NMBR: variants seen among roughly 807,000 people sequenced by gnomAD.
NMBR encodes the protein neuromedin B receptor, also known as neuromedin-B receptor.
Under a neutral mutation model 20.5 loss-of-function variants are expected in NMBR, and 16 were observed. The ratio of observed to expected loss-of-function variants is 0.78; its 90% CI spans 0.53 to 1.19. The LOEUF is 1.19. NMBR is among the 50% of genes most tolerant of loss of function. NMBR has a pLI of 0.00. For missense variants in NMBR, 582 were observed against 499.1 expected (o/e 1.17, Z -1.58); for synonymous variants, 212 against 196.6 (o/e 1.08, Z -0.65).
intron 1 of NMBR, among the ~76,000 whole-genome samples, chr6:142,143,387 C>T (rs540478338): frequency 4.6e-5 from 7 of 152,320 alleles, no homozygotes; most frequent in African/African-American, 1.2e-4. Flanking sequence ...CGGGTTCAAG[C>T]GATTCTCTTG....
intron 1 of NMBR, among the ~76,000 whole-genome samples, chr6:142,131,854 A>G (rs1020260235): frequency 1.3e-5 from 2 of 152,232 alleles, no homozygotes; most frequent in South Asian, 4.1e-4. Context: ...TGACAATTGT[A>G]TACAGTTGAC....
intron 1 of NMBR, among the ~76,000 whole-genome samples, chr6:142,113,968 A>C (rs564031624): frequency 3.3e-4 from 50 of 152,284 alleles, no homozygotes; most frequent in Non-Finnish European, 5.9e-4. Flanking sequence ...AACAGAAATC[A>C]TCCTTTTGCC....
chr6:142,112,399 A>G (rs1286567701), intron 1 of NMBR, among the ~76,000 whole-genome samples: 1 of 152,116 alleles, frequency 6.6e-6, no homozygotes, highest in African/African-American at 2.4e-5. Context: ...TTTTCAGTGG[A>G]AAAAGATGCT....
chr6:142,110,372 A>G (rs1391730165), intron 1 of NMBR, among the ~76,000 whole-genome samples: 3 of 152,222 alleles, frequency 2.0e-5, no homozygotes, highest in South Asian at 2.1e-4. Flanking sequence ...AATTCATACA[A>G]TGGAATATTG....
intron 1 of NMBR, among the ~76,000 whole-genome samples, chr6:142,129,415 A>G (rs1220174165): frequency 6.6e-6 from 1 of 152,112 alleles, no homozygotes; most frequent in Non-Finnish European, 1.5e-5. Context: ...GGTCATTTTA[A>G]AAATTTTAGG....
At chr6:142,093,806 C>A (rs567921424) in intron 1 of NMBR, among the ~76,000 whole-genome samples, 10 of 152,114 alleles carry the variant, frequency 6.6e-5, no homozygotes, top group African/African-American at 2.4e-4. Flanking sequence ...ACATCCTCTC[C>A]GACACCTGTT....
chr6:142,096,378 A>C (rs1358396535), intron 1 of NMBR, among the ~76,000 whole-genome samples: 3 of 152,204 alleles, frequency 2.0e-5, no homozygotes, highest in Non-Finnish European at 4.4e-5. Flanking sequence ...GTTTCAAAGA[A>C]CATCTTTATT....
intron 2 of NMBR, among the ~76,000 whole-genome samples, chr6:142,084,648 T>A (rs1247770729): frequency 6.6e-6 from 1 of 152,192 alleles, no homozygotes; most frequent in Non-Finnish European, 1.5e-5. Context: ...TCTGTGAGAA[T>A]TTTTCCTATG....
chr6:142,101,856 G>A (rs1777571287), intron 1 of NMBR, among the ~76,000 whole-genome samples: 1 of 152,140 alleles, frequency 6.6e-6, no homozygotes, highest in South Asian at 2.1e-4. Flanking sequence ...ATAGGCTACA[G>A]TGCCCTCATG....
At chr6:142,145,842 C>T (rs890350603) in intron 1 of NMBR, among the ~76,000 whole-genome samples, 2 of 152,066 alleles carry the variant, frequency 1.3e-5, no homozygotes, top group Non-Finnish European at 2.9e-5. Flanking sequence ...TTTAGGATCC[C>T]ACCTAGAACA....
At position 142,088,431 on chromosome 6, in the gene NMBR, G is replaced by A; in HGVS notation, c.228C>T (p.Ser76=). 6.2e-7 allele frequency: 1 copy of A among 1,614,050 alleles called. No individual in the cohort carries two copies. The highest frequency in any genetic ancestry group is 1.6e-4 in the Middle Eastern group (1 of 6,062). The change falls in exon 2 of 4, where the codon AGC becomes AGT. Residue 76 remains serine, a synonymous_variant. Transcript: ENST00000258042. ...GGTTAGAGATGAAGATGTTGGGGACGCTCCTCATGGCGCTGTTGGTGATGA... is the reference window on the plus strand; with the variant it reads ...GGTTAGAGATGAAGATGTTGGGGACACTCCTCATGGCGCTGTTGGTGATGA... The part of the protein sequence containing the change: ...KIFITNSAMR[S]VPNIFISNLA...
intron 1 of NMBR, among the ~76,000 whole-genome samples, chr6:142,098,057 A>G (rs1777493979): frequency 6.6e-6 from 1 of 152,078 alleles, no homozygotes; most frequent in African/African-American, 2.4e-5. Context: ...GAAAACTTTA[A>G]GTGGCCCAAT....
chr6:142,116,184 T>G (rs1325431891), intron 1 of NMBR, among the ~76,000 whole-genome samples: 1 of 151,866 alleles, frequency 6.6e-6, no homozygotes, highest in Non-Finnish European at 1.5e-5. Flanking sequence ...CTTTTGTAAA[T>G]TGCCCAGTCT....
intron 1 of NMBR, among the ~76,000 whole-genome samples, chr6:142,106,015 A>G (rs1331316173): frequency 6.6e-6 from 1 of 152,196 alleles, no homozygotes; most frequent in Non-Finnish European, 1.5e-5. Context: ...TATGACTTTA[A>G]GATTTTAAAT....
chr6:142,082,801 G>A (rs1777125386), intron 2 of NMBR, among the ~76,000 whole-genome samples: 1 of 152,172 alleles, frequency 6.6e-6, no homozygotes, highest in Non-Finnish European at 1.5e-5. Flanking sequence ...GTCACATCAT[G>A]AGGAAGACAT....
intron 1 of NMBR, chr6:142,134,757 A>G (rs1778217930): frequency 1.4e-6 from 1 of 691,348 alleles, no homozygotes; most frequent in Non-Finnish European, 2.6e-6. Context: ...GTGATGCTAG[A>G]TCTCTTGGGG....
At chr6:142,077,776 C>T (rs1207334625) in intron 3 of NMBR, among the ~76,000 whole-genome samples, 1 of 152,174 alleles carries the variant, frequency 6.6e-6, no homozygotes, top group African/African-American at 2.4e-5. Context: ...GGTAACTACT[C>T]TGTACCTGCA....
chr6:142,131,020 T>C (rs1379500723), intron 1 of NMBR, among the ~76,000 whole-genome samples: 1 of 152,178 alleles, frequency 6.6e-6, no homozygotes, highest in African/African-American at 2.4e-5. Flanking sequence ...CTCCTGTTTT[T>C]CCACTTTTGG....
intron 1 of NMBR, among the ~76,000 whole-genome samples, chr6:142,114,312 A>AT (rs762101247): frequency 5.8e-4 from 85 of 147,288 alleles, no homozygotes; most frequent in Non-Finnish European, 1.1e-3. Context: ...TTTTCTTTTC[A>AT]TTTTTTTTAA....
Sources: allele counts gnomAD v4.1 joint callset (sites outside exome capture counted in the v4.1 genomes callset), GRCh38; gene constraint gnomAD v4.1.1; transcripts MANE v1.5; gene names NCBI Gene and HGNC (gene_info 2026-07-23, HGNC 2026-07-21).